Variants in NCOA7 observed in about 807,000 individuals in gnomAD.
NCOA7 encodes 140 kDa estrogen receptor-associated protein.
Under a neutral mutation model 104.3 loss-of-function variants are expected in NCOA7, and 45 were observed. The ratio of observed to expected loss-of-function variants is 0.43; its 90% confidence interval spans 0.34 to 0.55. NCOA7 has a LOEUF of 0.55. Ranked by LOEUF, NCOA7 falls within the 20% of genes least tolerant of loss-of-function variation. NCOA7 has a pLI of 0.02. For missense variants in NCOA7, 1,041 were observed against 1,119.7 expected (o/e 0.93, Z 1.00); for synonymous variants, 398 against 402.3 (o/e 0.99, Z 0.13).
chr6:125,919,407 A>G (rs1347869242), intron 11 of NCOA7: 3 of 1,612,612 alleles, frequency 1.9e-6, no homozygotes, highest in Non-Finnish European at 2.5e-6. Context: ...ATTGTGCCAG[A>G]CCTGACGAAG....
At chr6:125,795,645 T>C (rs1775247447) in intron 1 of NCOA7, among the ~76,000 whole-genome samples, 1 of 152,210 alleles carries the variant, frequency 6.6e-6, no homozygotes, top group Non-Finnish European at 1.5e-5. Context: ...CATTTCAAGC[T>C]GTCCCCATTT....
intron 2 of NCOA7, among the ~76,000 whole-genome samples, chr6:125,849,187 C>T (rs1213933961): frequency 6.6e-6 from 1 of 152,176 alleles, no homozygotes; most frequent in Non-Finnish European, 1.5e-5. Context: ...CATTCAGCTA[C>T]TACAAATGAT....
chr6:125,870,481 A>G (rs981545160), intron 3 of NCOA7, among the ~76,000 whole-genome samples: 4 of 151,708 alleles, frequency 2.6e-5, no homozygotes, highest in African/African-American at 4.8e-5. Context: ...TTCCCCCTTT[A>G]TATCAGCCAT....
intron 5 of NCOA7, among the ~76,000 whole-genome samples, 160 bp from the exon 6 acceptor site, chr6:125,880,930 T>C (rs1783772016): frequency 1.3e-5 from 2 of 152,178 alleles, no homozygotes; most frequent in Admixed American, 1.3e-4. Context: ...TTTCATGGAT[T>C]AGTCTAGAAA....
At position 125,889,899 on chromosome 6, in the gene NCOA7, CAA is replaced by C. The variant is rs1784510121; in HGVS notation, c.1846_1847del (p.Asn616GlnfsTer9). The stretch of plus-strand genomic sequence containing the variant: ...ACTCCTCTTTGGAATCTACTCTGGA[CAA>C]CAGCTGTCAAGGTGCACAAATGGAT... ...LDSSLESTLD[N>X]SCQGAQMDNK... On this transcript the variant is annotated frameshift_variant, in exon 9 of 16. Coordinates refer to ENST00000392477, the MANE Select transcript of NCOA7 (RefSeq NM_181782.5). LOFTEE classifies it high-confidence loss of function. 2 of 1,605,012 alleles carry C rather than the reference CAA, an allele frequency of 1.2e-6. No individual in the cohort carries two copies. The highest frequency in any genetic ancestry group is 2.7e-5 in the African/African-American group (2 of 74,396).
At chr6:125,782,567 T>C (rs946624022) in intron 1 of NCOA7, among the ~76,000 whole-genome samples, 2 of 152,212 alleles carry the variant, frequency 1.3e-5, no homozygotes, top group African/African-American at 4.8e-5. Flanking sequence ...GTAGTCTCCT[T>C]CCTTTACTCT....
chr6:125,910,281 C>T (rs1241574410), intron 10 of NCOA7, among the ~76,000 whole-genome samples: 3 of 152,178 alleles, frequency 2.0e-5, no homozygotes, highest in Admixed American at 1.3e-4. Context: ...GACTGCATGC[C>T]TTTTTCTCTC....
chr6:125,881,286 G>A, intron 6 of NCOA7, 83 bp downstream of exon 6: 1 of 983,636 alleles, frequency 1.0e-6, no homozygotes, highest in Non-Finnish European at 1.6e-6. Flanking sequence ...TTTTTCACAA[G>A]ATTACATCTG....
intron 3 of NCOA7, among the ~76,000 whole-genome samples, chr6:125,874,215 C>T (rs1393756962): frequency 1.3e-5 from 2 of 152,134 alleles, no homozygotes; most frequent in African/African-American, 4.8e-5. Flanking sequence ...ATCCCAGCTA[C>T]TCGGGAGGCT....
chr6:125,911,547 A>G (rs764322953), intron 10 of NCOA7, among the ~76,000 whole-genome samples: 3 of 152,186 alleles, frequency 2.0e-5, no homozygotes, highest in Non-Finnish European at 4.4e-5. Context: ...AATGCTTACC[A>G]CATACCTCCC....
upstream of NCOA7, among the ~76,000 whole-genome samples, chr6:125,789,263 C>T (rs1416183508): frequency 2.6e-5 from 4 of 152,242 alleles, no homozygotes; most frequent in Non-Finnish European, 1.5e-5. Flanking sequence ...TCACACCCCA[C>T]TGGGTGCTTC....
intron 4 of NCOA7, among the ~76,000 whole-genome samples, chr6:125,877,877 T>C (rs1783506872): frequency 6.6e-6 from 1 of 152,182 alleles, no homozygotes; most frequent in Admixed American, 6.5e-5. Context: ...GTCATGCAAA[T>C]AGACAGAAAA....
At chr6:125,806,686 A>C (rs1376493327) in intron 1 of NCOA7, among the ~76,000 whole-genome samples, 5 of 152,152 alleles carry the variant, frequency 3.3e-5, no homozygotes, top group Non-Finnish European at 7.4e-5. Context: ...GAGGCAGTCC[A>C]AGAAAATGAA....
At chr6:125,878,222 T>C in intron 4 of NCOA7, 41 bp from the exon 5 acceptor site, 1 of 1,393,990 alleles carries the variant, frequency 7.2e-7, no homozygotes, top group East Asian at 2.4e-5. Flanking sequence ...AGTAATTTTT[T>C]TTGCTTTATT....
intron 2 of NCOA7, among the ~76,000 whole-genome samples, chr6:125,827,475 G>C (rs186270590): frequency 6.6e-6 from 1 of 152,080 alleles, no homozygotes; most frequent in Non-Finnish European, 1.5e-5. Flanking sequence ...ATAAATGGCT[G>C]TATTTGCTGT....
rs535378610 is a variant in NCOA7 at position 125,863,041 on chromosome 6, A to G, written c.271+7801A>G. 4.3e-5 allele frequency among the ~76,000 whole-genome samples: 6 copies of G among 139,456 alleles called. 1 individual carries two copies. Among genetic ancestry groups the G allele is most frequent in the East Asian group, 2.1e-4 (1 of 4,794 alleles). 91.5% of individuals were successfully genotyped at this position (139,456 alleles called of 152,430 possible). A position where few individuals can be genotyped will look rare whatever the true frequency, so the allele number is the denominator to read the frequency against. On this transcript the variant is annotated intron_variant, in intron 3 of 15. Transcript: ENST00000392477. ...AAAAACCCTACTTTACTTAAAAACT[A>G]AAAATATTAAAAATATGGTAAACTG...
chr6:125,837,721 C>G (rs796599551), intron 2 of NCOA7, among the ~76,000 whole-genome samples: 10 of 152,274 alleles, frequency 6.6e-5, no homozygotes, highest in African/African-American at 2.4e-4. Flanking sequence ...GAAACAAACC[C>G]AGAGTTCCCT....
At chr6:125,842,303 CATT>C (rs1486362138) in intron 2 of NCOA7, among the ~76,000 whole-genome samples, 1 of 152,146 alleles carries the variant, frequency 6.6e-6, no homozygotes, top group East Asian at 1.9e-4. Context: ...TCGCTGGCAT[CATT>C]GAGTTTGTGC....
At chr6:125,868,732 C>T (rs1408512014) in intron 3 of NCOA7, among the ~76,000 whole-genome samples, 1 of 152,214 alleles carries the variant, frequency 6.6e-6, no homozygotes, top group African/African-American at 2.4e-5. Flanking sequence ...ATCAGGGTAC[C>T]CCTTTCTTTG....
Sources: allele counts gnomAD v4.1 joint callset (sites outside exome capture counted in the v4.1 genomes callset), GRCh38; gene constraint gnomAD v4.1.1; transcripts MANE v1.5; gene names NCBI Gene and HGNC (gene_info 2026-07-23, HGNC 2026-07-21).